HOXA3: variants seen among roughly 807,000 people sequenced by gnomAD.
HOXA3 encodes homeobox A3.
Under a neutral mutation model 30.3 loss-of-function variants are expected in HOXA3, and 8 were observed. The observed-to-expected ratio is 0.26, with a 90% CI of 0.15 to 0.48. HOXA3 has a LOEUF of 0.48. Among genes scored for constraint, HOXA3 ranks in the 20% least tolerant of loss-of-function variants. The pLI, the probability that HOXA3 is intolerant of heterozygous loss-of-function variation, is 0.99. For synonymous variants in HOXA3, 323 were observed against 273.1 expected (o/e 1.18, Z -1.80); for missense variants, 653 against 614.4 (o/e 1.06, Z -0.66).
intron 4 of HOXA3, among the ~76,000 whole-genome samples, chr7:27,114,270 C>A (rs1350244017): frequency 6.6e-6 from 1 of 152,128 alleles, no homozygotes; most frequent in Non-Finnish European, 1.5e-5. Context: ...AAACGGCTCT[C>A]ACAAAGGGGC....
chr7:27,148,021 C>G (rs1034211684), intron 1 of HOXA3, among the ~76,000 whole-genome samples: 1 of 152,276 alleles, frequency 6.6e-6, no homozygotes, highest in Admixed American at 6.5e-5. Context: ...CACAGCTAGC[C>G]GGCCCGGCTC....
intron 1 of HOXA3, among the ~76,000 whole-genome samples, chr7:27,143,847 GA>G (rs1782661827): frequency 1.3e-5 from 2 of 152,064 alleles, no homozygotes; most frequent in African/African-American, 4.8e-5. Context: ...GGGTGGAGGC[GA>G]GGGGGGTGGC....
intron 1 of HOXA3, among the ~76,000 whole-genome samples, chr7:27,146,380 T>G (rs913623305): frequency 1.3e-5 from 2 of 152,152 alleles, no homozygotes; most frequent in Non-Finnish European, 2.9e-5. Context: ...CTCAACACAT[T>G]TTTTGAAGAG....
chr7:27,145,503 A>C, intron 1 of HOXA3: 2 of 864,744 alleles, frequency 2.3e-6, no homozygotes, highest in African/African-American at 1.7e-5. Flanking sequence ...TTTTGTAAGA[A>C]ATAAATGCAC....
At chr7:27,125,856 G>A (rs566369013) in intron 3 of HOXA3, among the ~76,000 whole-genome samples, 2 of 152,324 alleles carry the variant, frequency 1.3e-5, no homozygotes, top group East Asian at 3.9e-4. Context: ...AGTGAGGAGA[G>A]CAGAGTTTGG....
chr7:27,112,510 G>A (rs1354596442), intron 4 of HOXA3, among the ~76,000 whole-genome samples: 1 of 152,188 alleles, frequency 6.6e-6, no homozygotes, highest in African/African-American at 2.4e-5. Flanking sequence ...CAGAGTTATT[G>A]TCAGTGATCA....
chr7:27,141,606 A>ATT (rs139068122), intron 1 of HOXA3: 14 of 420,178 alleles, frequency 3.3e-5, no homozygotes, highest in Non-Finnish European at 5.0e-5. Flanking sequence ...TAAAACATCT[A>ATT]TTTTTTTTCA....
intron 1 of HOXA3, among the ~76,000 whole-genome samples, chr7:27,142,320 T>C (rs1324343348): frequency 1.3e-5 from 2 of 152,202 alleles, no homozygotes; most frequent in Admixed American, 6.5e-5. Flanking sequence ...CCCGGCGGAC[T>C]CCGGCTTTCC....
chr7:27,110,916 C>T (rs1018759498), intron 4 of HOXA3, among the ~76,000 whole-genome samples, 156 bp from the exon 5 acceptor site: 3 of 152,210 alleles, frequency 2.0e-5, no homozygotes, highest in Admixed American at 1.3e-4. Flanking sequence ...TATAAAAAAC[C>T]GCTGGAATTT....
chr7:27,114,800 G>A (rs1158960164), intron 4 of HOXA3, among the ~76,000 whole-genome samples: 2 of 33,606 alleles, frequency 6.0e-5, no homozygotes, highest in Admixed American at 3.7e-4. Flanking sequence ...TTTCTCAAAC[G>A]GATTCCTAAA....
intron 3 of HOXA3, chr7:27,123,094 A>T (rs1474786172): frequency 6.6e-6 from 1 of 152,226 alleles, no homozygotes; most frequent in Non-Finnish European, 1.5e-5. Context: ...GTCTGGGAGC[A>T]TTCAATCACG....
rs949288706 is a variant in HOXA3, at chr7:27,109,373, C to T, written c.527-653G>A. 2.0e-5 allele frequency among the ~76,000 whole-genome samples: 3 copies of T among 152,234 alleles called. No individual in the cohort carries two copies. In the South Asian group the frequency reaches 6.2e-4, roughly 31 times the overall value. On this transcript the variant is annotated intron_variant, in intron 5 of 5. Coordinates refer to ENST00000612286, the MANE Select transcript of HOXA3 (RefSeq NM_153631.3). The stretch of plus-strand genomic sequence containing the variant: ...TTTTGTCCACTAATCTTGTACCCTT[C>T]TGTCTTCCCTGGCCCCCCAGATCCT...
intron 5 of HOXA3, 34 bp downstream of exon 5, chr7:27,110,081 C>A: frequency 6.2e-7 from 1 of 1,613,812 alleles, no homozygotes; most frequent in Non-Finnish European, 8.5e-7. Context: ...AGGAGCCAGG[C>A]CAGAGGACCC....
chr7:27,124,304 C>T (rs1396958345), intron 3 of HOXA3: 1 of 152,226 alleles, frequency 6.6e-6, no homozygotes, highest in African/African-American at 2.4e-5. Flanking sequence ...AACAAAGCCG[C>T]GCGCCCGTCC....
intron 4 of HOXA3, 87 bp downstream of exon 4, chr7:27,122,472 G>T (rs1190526063): frequency 6.6e-6 from 1 of 152,210 alleles, no homozygotes; most frequent in South Asian, 2.1e-4. Context: ...AACAGGCCGC[G>T]GTTGCCAGGA....
At chr7:27,136,906 C>CT (rs1785732042) in intron 2 of HOXA3, among the ~76,000 whole-genome samples, 2 of 152,072 alleles carry the variant, frequency 1.3e-5, no homozygotes, top group Non-Finnish European at 2.9e-5. Context: ...TTAGGCTGAC[C>CT]CCCTCAGCCC....
chr7:27,145,894 G>T (rs761372561), intron 1 of HOXA3: 1 of 1,613,150 alleles, frequency 6.2e-7, no homozygotes, highest in East Asian at 2.2e-5. Flanking sequence ...CGGCCTCGGC[G>T]CCCATGGCTC....
At chr7:27,125,060 CCTT>C (rs1422227412) in intron 3 of HOXA3, among the ~76,000 whole-genome samples, 1 of 152,206 alleles carries the variant, frequency 6.6e-6, no homozygotes, top group Non-Finnish European at 1.5e-5. Flanking sequence ...AAGAACCCAT[CCTT>C]CTTCTCTGGC....
chr7:27,108,082 G>A lies in HOXA3; in HGVS notation c.1165C>T (p.Pro389Ser), dbSNP rs776948256. 6.8e-6 allele frequency: 11 copies of A among 1,612,978 alleles called. No homozygotes were observed. The highest frequency in any genetic ancestry group is 2.2e-5 in the South Asian group (2 of 91,018). Residue 389 changes from proline (P) to serine (S), a missense_variant, in exon 6 of 6, where the codon CCC becomes TCC. By Grantham distance (74) the Pro-to-Ser change is moderately conservative (BLOSUM62 -1). Transcript: ENST00000612286. The surrounding 1 kb of genome is among the most constrained non-coding windows in gnomAD (Gnocchi z 5.0). ...TCCATGGCGCCCGAGGCAGCGTGGG[G>A]GAGGTGAGTTAGACCAAAGAGGGCT... Reference protein sequence around the residue: ...GPALFGLTHLPHAASGAMDYG... With the variant: ...GPALFGLTHLSHAASGAMDYG...
Sources: allele counts gnomAD v4.1 joint callset (sites outside exome capture counted in the v4.1 genomes callset), GRCh38; gene constraint gnomAD v4.1.1; non-coding constraint Gnocchi (gnomAD v3.1); transcripts MANE v1.5; gene names NCBI Gene and HGNC (gene_info 2026-07-23, HGNC 2026-07-21).